EDNRA: variants seen among roughly 807,000 people sequenced by gnomAD.
EDNRA encodes endothelin-1 receptor.
EDNRA carries 11 observed loss-of-function variants against 41.4 expected under a neutral mutation model. The observed-to-expected ratio is 0.27, with a 90% CI of 0.17 to 0.44. EDNRA has a LOEUF of 0.44. Ranked by LOEUF, EDNRA falls within the 20% of genes least tolerant of loss-of-function variation. The pLI is 1.00. For synonymous variants in EDNRA, 172 were observed against 183.0 expected, an observed-to-expected ratio of 0.94 and a Z score of 0.49; for missense variants, 294 against 531.0, an observed-to-expected ratio of 0.55 and a Z score of 4.39.
intron 2 of EDNRA, among the ~76,000 whole-genome samples, chr4:147,510,543 C>T (rs11946376): frequency 0.02 from 3,003 of 152,114 alleles, 88 homozygotes; most frequent in African/African-American, 0.069. Flanking sequence ...ATAACAGACC[C>T]GTGGTTGGAA....
At chr4:147,525,952 A>G (rs1000226016) in intron 3 of EDNRA, among the ~76,000 whole-genome samples, 1 of 152,206 alleles carries the variant, frequency 6.6e-6, no homozygotes. Flanking sequence ...CTCAAGAAAC[A>G]TGAAGGTGGT....
At chr4:147,527,725 A>C (rs1053428959) in intron 3 of EDNRA, among the ~76,000 whole-genome samples, 1 of 152,194 alleles carries the variant, frequency 6.6e-6, no homozygotes, top group Non-Finnish European at 1.5e-5. Context: ...CGCACTAACA[A>C]ACATCTTTAC....
In EDNRA at chr4:147,542,593, G is replaced by A. The variant is rs200945454; in HGVS notation, c.1259G>A (p.Ser420Asn). Residue 420 changes from serine to asparagine, a missense_variant, in exon 8 of 8, where the codon AGC (serine) becomes AAC (asparagine). Transcript: ENST00000651419. Reference sequence around the variant, plus strand: ...CAAAACAACCACAACACAGACCGGAGCAGCCATAAGGACAGCATGAACTGA... The same window carrying A: ...CAAAACAACCACAACACAGACCGGAACAGCCATAAGGACAGCATGAACTGA... ...HDQNNHNTDRSSHKDSMN is the reference protein window; with the variant it reads ...HDQNNHNTDRNSHKDSMN The A allele has an allele frequency of 1.2e-6, 2 of 1,612,624 alleles. No homozygotes were observed. The highest frequency in any genetic ancestry group is 2.7e-5 in the African/African-American group (2 of 74,898).
intron 3 of EDNRA, among the ~76,000 whole-genome samples, chr4:147,522,836 C>A (rs1244931250): frequency 5.3e-5 from 8 of 152,164 alleles, no homozygotes; most frequent in Admixed American, 4.6e-4. Context: ...GTCCCGAGAA[C>A]CTGTGCCCAA....
chr4:147,491,295 G>C (rs1043123197), intron 2 of EDNRA: 3 of 152,224 alleles, frequency 2.0e-5, no homozygotes, highest in Admixed American at 6.5e-5. Context: ...CATAGAGCCA[G>C]TTATCTCCAT....
At position 147,543,134 on chromosome 4, in the gene EDNRA, A is replaced by G. The variant is rs1365363390; in HGVS notation, c.*516A>G. On this transcript the variant is annotated 3_prime_UTR_variant, in exon 8 of 8. Transcript: ENST00000651419. ...TGGTGCCAGTATTTTTTAACTGCAT[A>G]ATAGCCTAACATGATTATTTGAACT... is the stretch of plus-strand genomic sequence containing the variant. 1 of 152,240 alleles carries G rather than the reference A, an allele frequency of 6.6e-6. No individual in the cohort carries two copies. Among genetic ancestry groups the G allele is most frequent in the Non-Finnish European group, 1.5e-5 (1 of 68,070 alleles). 9.4% of individuals were successfully genotyped at this position (152,240 alleles called of 1,614,324 possible). A position where few individuals can be genotyped will look rare whatever the true frequency, so the allele number is the denominator to read the frequency against.
rs869077171 is a variant in EDNRA, at chr4:147,505,327, A to ATTTTTTTTTTTTTTTTTT, written c.421-14513_421-14496dup. Among the ~76,000 whole-genome samples, 24 of 79,698 alleles carry ATTTTTTTTTTTTTTTTTT rather than the reference A, an allele frequency of 3.0e-4. 1 individual carries two copies. The highest frequency in any genetic ancestry group is 4.4e-4 in the Non-Finnish European group (19 of 43,008). The allele number at this position is 79,698 out of a possible 152,430, so 52.3% of individuals were successfully genotyped here. ...AGAGAGTTTGGCAGTTTCTTTTTTC[A>ATTTTTTTTTTTTTTTTTT]TTTTTTTTTTTTTTTTTTTTTTTTT... On this transcript the variant is annotated intron_variant, in intron 2 of 7. Transcript: ENST00000651419.
chr4:147,509,848 T>C (rs1187656540), intron 2 of EDNRA, among the ~76,000 whole-genome samples: 1 of 152,150 alleles, frequency 6.6e-6, no homozygotes, highest in Admixed American at 6.5e-5. Context: ...TGTATAATTA[T>C]TTTATTATAT....
intron 3 of EDNRA, among the ~76,000 whole-genome samples, chr4:147,521,856 CAT>C (rs1553979005): frequency 6.6e-6 from 1 of 152,194 alleles, no homozygotes; most frequent in Non-Finnish European, 1.5e-5. Flanking sequence ...GTCCTACACA[CAT>C]GTTCTTCCTA....
chr4:147,490,940 T>C (rs899054380), intron 2 of EDNRA: 2 of 151,736 alleles, frequency 1.3e-5, no homozygotes, highest in African/African-American at 4.8e-5. Flanking sequence ...AGAGATGGAG[T>C]AAGGGAAAGA....
chr4:147,510,889 A>T (rs1174673924), intron 2 of EDNRA, among the ~76,000 whole-genome samples: 1 of 152,222 alleles, frequency 6.6e-6, no homozygotes, highest in African/African-American at 2.4e-5. Context: ...AGATAAATGG[A>T]GTTAATAATA....
chr4:147,542,624 C>T lies in EDNRA; in HGVS notation c.*6C>T, dbSNP rs752043901. 6.2e-7 allele frequency: 1 copy of T among 1,613,554 alleles called. No individual in the cohort carries two copies. Among genetic ancestry groups the T allele is most frequent in the Non-Finnish European group, 8.5e-7 (1 of 1,179,842 alleles). ...ATAAGGACAGCATGAACTGACCACC[C>T]TTAGAAGCACTCCTCGGTACTCCCA... On this transcript the variant is annotated 3_prime_UTR_variant, in exon 8 of 8. Transcript: ENST00000651419.
intron 3 of EDNRA, among the ~76,000 whole-genome samples, chr4:147,528,359 T>TTC (rs201840113): frequency 0.015 from 1,961 of 128,432 alleles, 60 homozygotes; most frequent in African/African-American, 0.064. Flanking sequence ...CTTGCTTTCT[T>TTC]TTTTTTTTTT....
intron 2 of EDNRA, among the ~76,000 whole-genome samples, chr4:147,517,311 C>G (rs77530100): frequency 3.9e-5 from 6 of 152,162 alleles, no homozygotes; most frequent in African/African-American, 1.4e-4. Flanking sequence ...TGCTCTTGCT[C>G]CAGCAGAGCA....
chr4:147,538,089 G>A (rs909349102), intron 5 of EDNRA, among the ~76,000 whole-genome samples: 6 of 152,148 alleles, frequency 3.9e-5, no homozygotes, highest in Admixed American at 6.6e-5. Context: ...TGACCAAGAA[G>A]GAGTTTATCT....
chr4:147,492,363 T>A (rs1729165465), intron 2 of EDNRA: 1 of 152,228 alleles, frequency 6.6e-6, no homozygotes, highest in Admixed American at 6.5e-5. Flanking sequence ...CAATTCCAGA[T>A]CTACAAGCAG....
chr4:147,533,740 A>C (rs759106987), intron 4 of EDNRA, among the ~76,000 whole-genome samples: 2 of 152,230 alleles, frequency 1.3e-5, no homozygotes, highest in Non-Finnish European at 2.9e-5. Flanking sequence ...TAAGCAATCT[A>C]GATATTCCAG....
chr4:147,540,500 C>A lies in EDNRA; in HGVS notation c.1143+15C>A. ...ATTGTTTCCAGGTAAGATGATTTTT[C>A]AAGTATTTTTTAAAGACAACAAAAT... On this transcript the variant is annotated intron_variant, in intron 7 of 7. Transcript: ENST00000651419. 1 of 1,573,050 alleles carries A rather than the reference C, an allele frequency of 6.4e-7. No homozygotes were observed. The highest frequency in any genetic ancestry group is 8.7e-7 in the Non-Finnish European group (1 of 1,149,630).
At chr4:147,499,441 G>A (rs568283279) in intron 2 of EDNRA, among the ~76,000 whole-genome samples, 1 of 152,138 alleles carries the variant, frequency 6.6e-6, no homozygotes, top group Non-Finnish European at 1.5e-5. Flanking sequence ...CATAAAGTAG[G>A]CTTATTCCTA....
Sources: gnomAD v4.1 joint callset for allele counts (sites outside exome capture counted in the v4.1 genomes callset) on GRCh38, gnomAD v4.1.1 for gene constraint, MANE v1.5 for transcripts, NCBI Gene and HGNC (gene_info 2026-07-23, HGNC 2026-07-21) for gene names.